JMJD1C: variants seen among roughly 807,000 people sequenced by gnomAD.
JMJD1C encodes the protein jumonji domain containing 1C.
A neutral mutation model predicts 245.3 loss-of-function variants in JMJD1C; 31 were observed. The ratio of observed to expected loss-of-function variants is 0.13; its 90% CI spans 0.09 to 0.17. The LOEUF is 0.17. JMJD1C is among the 10% of genes least tolerant of loss of function. The probability of loss-of-function intolerance (pLI) is 1.00; values close to 1 mark genes in which losing one functional copy is unlikely to be tolerated. For missense variants in JMJD1C, 2,691 were observed against 3,000.2 expected, an observed-to-expected ratio of 0.90 and a Z score of 2.41; for synonymous variants, 1,057 against 1,017.4, an observed-to-expected ratio of 1.04 and a Z score of -0.74.
intron 1 of JMJD1C, chr10:63,427,715 C>A: frequency 7.5e-7 from 1 of 1,337,104 alleles, no homozygotes; most frequent in East Asian, 2.3e-5. Flanking sequence ...TTTGGTGTCT[C>A]CAGAAGTGTC....
chr10:63,391,108 C>T (rs1948017696), intron 1 of JMJD1C, among the ~76,000 whole-genome samples: 1 of 152,058 alleles, frequency 6.6e-6, no homozygotes, highest in Non-Finnish European at 1.5e-5. Context: ...AAAGATCCCA[C>T]CAAAAACCTC....
At chr10:63,236,355 A>T (rs1335992460) in intron 3 of JMJD1C, among the ~76,000 whole-genome samples, 2 of 152,100 alleles carry the variant, frequency 1.3e-5, no homozygotes, top group African/African-American at 2.4e-5. Flanking sequence ...TAACCAGAGT[A>T]AAAAAATCAG....
At chr10:63,327,656 AGG>A (rs1941671357) in intron 2 of JMJD1C, among the ~76,000 whole-genome samples, 1 of 145,392 alleles carries the variant, frequency 6.9e-6, no homozygotes, top group African/African-American at 2.5e-5. Context: ...TACTGTATCA[AGG>A]GTACACAGAA....
chr10:63,518,244 G>A (rs529513971), intron 1 of JMJD1C, among the ~76,000 whole-genome samples: 1 of 152,280 alleles, frequency 6.6e-6, no homozygotes, highest in Non-Finnish European at 1.5e-5. Context: ...CTCAGATGAA[G>A]TTACTCTTAC....
intron 17 of JMJD1C, among the ~76,000 whole-genome samples, chr10:63,190,179 G>A (rs1380201663): frequency 6.6e-6 from 1 of 151,420 alleles, no homozygotes; most frequent in Non-Finnish European, 1.5e-5. Flanking sequence ...AGGATTACAG[G>A]CGTAAGCCAC....
At chr10:63,462,970 C>G (rs923692631) in intron 1 of JMJD1C, among the ~76,000 whole-genome samples, 2 of 152,058 alleles carry the variant, frequency 1.3e-5, no homozygotes, top group African/African-American at 4.8e-5. Flanking sequence ...ACACAATATT[C>G]CCTCAACTAC....
intron 2 of JMJD1C, among the ~76,000 whole-genome samples, chr10:63,362,473 T>TTA (rs144958118): frequency 2.0e-5 from 3 of 150,060 alleles, no homozygotes; most frequent in East Asian, 3.9e-4. Flanking sequence ...ATATATTTAT[T>TTA]TATATATATA....
rs148148948 is a variant in JMJD1C at position 63,416,610 on chromosome 10, C to T, written c.169-36128G>A. Among the ~76,000 whole-genome samples, 159 of 152,288 alleles carry T rather than the reference C, an allele frequency of 1.0e-3. 3 individuals are homozygous for T. The East Asian group carries it at 0.026, about 25-fold the overall frequency. On this transcript the variant is annotated intron_variant, in intron 1 of 25. Transcript: ENST00000399262. ...CAAACATCTGCTAAAGGTCAGATTTCCACTGCATGGAACCAATCAATGGAA... is the reference window on the plus strand; with the variant it reads ...CAAACATCTGCTAAAGGTCAGATTTTCACTGCATGGAACCAATCAATGGAA...
chr10:63,364,147 G>A (rs1012624432), intron 2 of JMJD1C, among the ~76,000 whole-genome samples: 1 of 152,044 alleles, frequency 6.6e-6, no homozygotes, highest in African/African-American at 2.4e-5. Flanking sequence ...TTACAGGTGT[G>A]AGCCACTGCG....
chr10:63,305,680 G>GTGTGTA (rs1564761658), intron 2 of JMJD1C, among the ~76,000 whole-genome samples: 6 of 137,078 alleles, frequency 4.4e-5, no homozygotes, highest in Admixed American at 2.9e-4. Context: ...GTGTGTGTGT[G>GTGTGTA]TGTTGAAAGA....
At chr10:63,401,302 A>G (rs1948839448) in intron 1 of JMJD1C, among the ~76,000 whole-genome samples, 1 of 152,194 alleles carries the variant, frequency 6.6e-6, no homozygotes. Context: ...TATTTTCATT[A>G]TAATTCAGTT....
chr10:63,293,545 T>A (rs1411436619), intron 2 of JMJD1C, among the ~76,000 whole-genome samples: 1 of 152,166 alleles, frequency 6.6e-6, no homozygotes, highest in Non-Finnish European at 1.5e-5. Context: ...ACACTCATTG[T>A]CATAAAATAG....
chr10:63,202,817 T>A (rs529039574), intron 10 of JMJD1C: 3 of 983,770 alleles, frequency 3.0e-6, no homozygotes, highest in East Asian at 1.1e-4. Flanking sequence ...CAAGTTGGAA[T>A]GAATGATAGA....
At chr10:63,387,995 C>A (rs1164586737) in intron 1 of JMJD1C, among the ~76,000 whole-genome samples, 1 of 152,040 alleles carries the variant, frequency 6.6e-6, no homozygotes, top group Non-Finnish European at 1.5e-5. Context: ...TATAGGACAT[C>A]ATAAAGCTAC....
chr10:63,403,481 T>C lies in JMJD1C; in HGVS notation c.169-22999A>G, dbSNP rs561182148. ...TTAGAACCAGAGACATTGAACACAATGTCTTTGAGCCTTAGTTTTCAAGTT... is the reference window on the plus strand; with the variant it reads ...TTAGAACCAGAGACATTGAACACAACGTCTTTGAGCCTTAGTTTTCAAGTT... On this transcript the variant is annotated intron_variant, in intron 1 of 25. Transcript: ENST00000399262. Among the ~76,000 whole-genome samples the C allele has an allele frequency of 8.5e-5, 13 of 152,332 alleles. No individual in the cohort carries two copies. The South Asian group carries it at 1.2e-3, about 15-fold the overall frequency.
intron 1 of JMJD1C, among the ~76,000 whole-genome samples, chr10:63,458,261 G>C (rs960241780): frequency 6.6e-5 from 10 of 152,076 alleles, no homozygotes; most frequent in African/African-American, 2.4e-4. Flanking sequence ...GAAGGCAGGA[G>C]GATTGCTTGA....
At chr10:63,360,904 C>A (rs1945269151) in intron 2 of JMJD1C, among the ~76,000 whole-genome samples, 1 of 152,102 alleles carries the variant, frequency 6.6e-6, no homozygotes, top group Non-Finnish European at 1.5e-5. Context: ...CCTGCCTCAG[C>A]CTCCCAGGTA....
chr10:63,282,805 C>T (rs1258846676), intron 2 of JMJD1C, among the ~76,000 whole-genome samples: 3 of 152,098 alleles, frequency 2.0e-5, no homozygotes, highest in East Asian at 1.9e-4. Flanking sequence ...CAACCGCCGC[C>T]TCCCGGGTTC....
At position 63,206,677 on chromosome 10, in the gene JMJD1C, T is replaced by C; in HGVS notation, c.4992A>G (p.Ile1664Met). 6.2e-7 allele frequency: 1 copy of C among 1,613,470 alleles called. No homozygotes were observed. The highest frequency in any genetic ancestry group is 1.7e-5 in the Admixed American group (1 of 59,890). The change falls in exon 10 of 26, where the codon ATA becomes ATG. Residue 1664 changes from isoleucine (I) to methionine (M), a missense_variant. By Grantham distance (10) the Ile-to-Met change is conservative. Coordinates refer to ENST00000399262, the MANE Select transcript of JMJD1C (RefSeq NM_032776.3). ...CTCCATTGGGTTTCAAATCTTCTTC[T>C]ATTTCACCTTTTCTCTTTTGCAAAT... is the stretch of plus-strand genomic sequence containing the variant. ...QNDLQKRKGE[I>M]EEDLKPNGVL... is the part of the protein sequence containing the mutation.
Sources: allele counts gnomAD v4.1 joint callset (sites outside exome capture counted in the v4.1 genomes callset), GRCh38; gene constraint gnomAD v4.1.1; transcripts MANE v1.5; gene names NCBI Gene and HGNC (gene_info 2026-07-23, HGNC 2026-07-21).